Variants in DCAF12 observed in about 807,000 individuals in gnomAD.
DCAF12 encodes the protein DDB1- and CUL4-associated factor 12.
In DCAF12, 28 loss-of-function variants were observed where a neutral mutation model predicts 52.8. The observed-to-expected ratio is 0.53, with a 90% confidence interval of 0.39 to 0.73. The LOEUF (loss-of-function observed/expected upper bound fraction) is 0.73. Among genes scored for constraint, DCAF12 ranks in the 30% least tolerant of loss-of-function variants. The pLI, the probability that DCAF12 is intolerant of heterozygous loss-of-function variation, is 0.00. For synonymous variants in DCAF12, 196 were observed against 215.5 expected (o/e 0.91, Z 0.79); for missense variants, 425 against 552.2 (o/e 0.77, Z 2.31).
At chr9:34,093,512 C>A in intron 6 of DCAF12, 64 bp from the exon 7 acceptor site, 1 of 1,570,834 alleles carries the variant, frequency 6.4e-7, no homozygotes, top group South Asian at 1.1e-5. Context: ...GATATTGTTT[C>A]TGGACTCCCA....
At chr9:34,095,880 T>A (rs897986382) in intron 6 of DCAF12, 1 of 152,098 alleles carries the variant, frequency 6.6e-6, no homozygotes, top group Non-Finnish European at 1.5e-5. Context: ...TATAAAGAAA[T>A]ACTTAAATGC....
At chr9:34,125,688 G>A in intron 1 of DCAF12, 4 of 411,088 alleles carry the variant, frequency 9.7e-6, no homozygotes, top group Non-Finnish European at 2.1e-5. Context: ...AGTCCAAGGA[G>A]CCAGACCTGG....
chr9:34,112,321 C>T (rs1829016284), intron 2 of DCAF12, among the ~76,000 whole-genome samples: 1 of 151,944 alleles, frequency 6.6e-6, no homozygotes, highest in South Asian at 2.1e-4. Flanking sequence ...CCAGGCTGAG[C>T]GTGGTGGTTC....
At chr9:34,098,805 G>C (rs1391139723) in intron 4 of DCAF12, among the ~76,000 whole-genome samples, 2 of 150,906 alleles carry the variant, frequency 1.3e-5, no homozygotes, top group Non-Finnish European at 3.0e-5. Flanking sequence ...GTCTCGCTTT[G>C]TCACCCAGGC....
At chr9:34,124,779 G>T (rs980579787) in intron 2 of DCAF12, among the ~76,000 whole-genome samples, 1 of 152,116 alleles carries the variant, frequency 6.6e-6, no homozygotes, top group Non-Finnish European at 1.5e-5. Flanking sequence ...CAACCCTCTA[G>T]AAGCAGCACA....
intron 2 of DCAF12, among the ~76,000 whole-genome samples, chr9:34,117,970 T>C (rs1189249442): frequency 6.6e-6 from 1 of 152,150 alleles, no homozygotes; most frequent in African/African-American, 2.4e-5. Flanking sequence ...GAACCCTATT[T>C]AGTATTGCTT....
intron 2 of DCAF12, among the ~76,000 whole-genome samples, chr9:34,113,732 T>C (rs914206957): frequency 5.3e-5 from 8 of 152,220 alleles, no homozygotes; most frequent in African/African-American, 1.9e-4. Context: ...ATTTCTGAAT[T>C]TGCATGTTTA....
Position 34,088,434 on chromosome 9 carries a change from G to A in DCAF12, c.1278C>T (p.Tyr426=), listed in dbSNP as rs113601725. 5.3e-5 allele frequency: 86 copies of A among 1,614,144 alleles called. No homozygotes were observed. The African/African-American group carries it at 7.6e-4, about 14-fold the overall frequency. The part of the protein sequence containing the change: ...FFPNAVYTHC[Y]DSSGTKLFVA... Reference sequence around the variant, plus strand: ...CAAAGAGTTTCGTTCCAGACGAGTCGTAGCAGTGGGTGTAAACAGCATTGG... The same window carrying A: ...CAAAGAGTTTCGTTCCAGACGAGTCATAGCAGTGGGTGTAAACAGCATTGG... The change falls in exon 9 of 9, where the codon TAC becomes TAT. Residue 426 remains tyrosine, a synonymous_variant. Transcript: ENST00000361264.
rs541149568 is a variant in DCAF12 at position 34,096,534 on chromosome 9, G to C, written c.861+182C>G. Among the ~76,000 whole-genome samples, 82 of 152,234 alleles carry C rather than the reference G, an allele frequency of 5.4e-4. No individual in the cohort carries two copies. The South Asian group carries it at 8.5e-3, about 16-fold the overall frequency. Reference sequence around the variant, plus strand: ...CACAAGAACTGGTTGAACCCAGGAGGCAGAGGTTGCAGTGAGCCAAGATTG... The same window carrying C: ...CACAAGAACTGGTTGAACCCAGGAGCCAGAGGTTGCAGTGAGCCAAGATTG... On this transcript the variant is annotated intron_variant, in intron 6 of 8. Coordinates refer to ENST00000361264, the MANE Select transcript of DCAF12 (RefSeq NM_015397.4).
intron 7 of DCAF12, among the ~76,000 whole-genome samples, chr9:34,092,376 A>T (rs1337973568): frequency 6.6e-6 from 1 of 152,156 alleles, no homozygotes; most frequent in African/African-American, 2.4e-5. Context: ...ACAGCAAAAA[A>T]ATTACCACAG....
intron 4 of DCAF12, among the ~76,000 whole-genome samples, chr9:34,102,912 C>T (rs1309606950): frequency 6.6e-6 from 1 of 150,720 alleles, no homozygotes. Context: ...ACCATCAGTA[C>T]AAAAAAATAC....
rs1828589710 is a variant in DCAF12 at position 34,088,239 on chromosome 9, T to A, written c.*111A>T. 1 of 1,231,878 alleles carries A rather than the reference T, an allele frequency of 8.1e-7. No homozygotes were observed. Among genetic ancestry groups the A allele is most frequent in the Non-Finnish European group, 1.1e-6 (1 of 905,568 alleles). 76.3% of individuals were successfully genotyped at this position (1,231,878 alleles called of 1,614,324 possible). ...TGCCTAAACTATAGGCAAACTTTGG[T>A]GTTCCCACTAAAACACAAGAGCCTC... On this transcript the variant is annotated 3_prime_UTR_variant, in exon 9 of 9. Transcript: ENST00000361264.
intron 2 of DCAF12, among the ~76,000 whole-genome samples, chr9:34,119,983 G>C (rs1474197133): frequency 6.6e-6 from 1 of 151,686 alleles, no homozygotes; most frequent in South Asian, 2.1e-4. Flanking sequence ...CTGGATTACA[G>C]TCATGAGCCA....
At chr9:34,119,608 T>C (rs2131443043) in intron 2 of DCAF12, among the ~76,000 whole-genome samples, 1 of 152,326 alleles carries the variant, frequency 6.6e-6, no homozygotes, top group East Asian at 1.9e-4. Flanking sequence ...AAAAACGACT[T>C]TTCCTTTGGA....
chr9:34,105,218 A>T (rs1587735915), intron 4 of DCAF12, among the ~76,000 whole-genome samples: 1 of 151,412 alleles, frequency 6.6e-6, no homozygotes, highest in South Asian at 2.1e-4. Context: ...GTGCTACTGC[A>T]CTCCAGCCTG....
intron 2 of DCAF12, among the ~76,000 whole-genome samples, chr9:34,122,693 G>A (rs1829193478): frequency 3.3e-5 from 5 of 152,126 alleles, no homozygotes; most frequent in Admixed American, 2.6e-4. Flanking sequence ...GGCCAGGCTG[G>A]TCTCGAACTC....
rs776519265 is a variant in DCAF12 at position 34,104,850 on chromosome 9, G to A, written c.601+1584C>T. Among the ~76,000 whole-genome samples the A allele has an allele frequency of 1.2e-4, 18 of 151,054 alleles. 1 individual carries two copies. Among genetic ancestry groups the A allele is most frequent in the African/African-American group, 1.5e-4 (6 of 41,010 alleles). ...GGAGAAGTGCTTGAACCCAGGAGGCGGAGGTTGCAGTGAGCCAAGATTGCA... is the reference window on the plus strand; with the variant it reads ...GGAGAAGTGCTTGAACCCAGGAGGCAGAGGTTGCAGTGAGCCAAGATTGCA... On this transcript the variant is annotated intron_variant, in intron 4 of 8. Transcript: ENST00000361264.
chr9:34,119,075 T>A (rs369683696), intron 2 of DCAF12, among the ~76,000 whole-genome samples: 1 of 152,188 alleles, frequency 6.6e-6, no homozygotes, highest in Non-Finnish European at 1.5e-5. Context: ...TATTTGCCCA[T>A]TGAGAATCAA....
At chr9:34,093,731 G>A (rs1828687959) in intron 6 of DCAF12, 1 of 328,738 alleles carries the variant, frequency 3.0e-6, no homozygotes, top group South Asian at 3.4e-5. Context: ...GCCTTTCTTG[G>A]TAGGCTGTTT....
Sources: allele counts gnomAD v4.1 joint callset (sites outside exome capture counted in the v4.1 genomes callset), GRCh38; gene constraint gnomAD v4.1.1; transcripts MANE v1.5; gene names NCBI Gene and HGNC (gene_info 2026-07-23, HGNC 2026-07-21).